The following FSCN3 variants were observed in gnomAD, a reference collection of about 807,000 sequenced individuals.
FSCN3 encodes fascin actin-bundling protein 3.
In FSCN3, 43 loss-of-function variants were observed where a neutral mutation model predicts 53.5. The ratio of observed to expected loss-of-function variants is 0.80; its 90% CI spans 0.63 to 1.04. The LOEUF is 1.04. Ranked by LOEUF, FSCN3 falls within the 50% of genes least tolerant of loss-of-function variation. The pLI is 0.00. For synonymous variants in FSCN3, 235 were observed against 246.6 expected, an observed-to-expected ratio of 0.95 and a Z score of 0.44; for missense variants, 594 against 646.5, an observed-to-expected ratio of 0.92 and a Z score of 0.88.
At position 127,600,337 on chromosome 7, in the gene FSCN3, C is replaced by A. The variant is rs1794455247; in HGVS notation, c.1435C>A (p.Gln479Lys). The A allele has an allele frequency of 6.2e-7, 1 of 1,613,294 alleles. No homozygotes were observed. Among genetic ancestry groups the A allele is most frequent in the Non-Finnish European group, 8.5e-7 (1 of 1,179,304 alleles). ...CAATGGCTTCTACATGCGAGCCGAC[C>A]AAAGTGGCACCCTGTTGGCAGACAG... ...APNGFYMRADQSGTLLADSED... is the reference protein window; with the variant it reads ...APNGFYMRADKSGTLLADSED... The change falls in exon 6 of 7, where the codon CAA (glutamine) becomes AAA (lysine). Residue 479 changes from glutamine to lysine, a missense_variant. Coordinates refer to ENST00000265825, the MANE Select transcript of FSCN3 (RefSeq NM_020369.3).
intron 1 of FSCN3, among the ~76,000 whole-genome samples, chr7:127,594,216 G>C (rs1794345802): frequency 7.7e-6 from 1 of 130,672 alleles, no homozygotes; most frequent in Admixed American, 7.8e-5. Context: ...GTATATGAAA[G>C]TATACTGGAA....
intron 3 of FSCN3, 71 bp downstream of exon 3, chr7:127,596,517 T>G (rs1794391747): frequency 1.5e-6 from 1 of 667,664 alleles, no homozygotes; most frequent in African/African-American, 1.8e-5. Context: ...TTCCTTCTCC[T>G]TTTTCAAGGC....
At chr7:127,596,707 A>T (rs1392062877) in intron 3 of FSCN3, 1 of 215,978 alleles carries the variant, frequency 4.6e-6, no homozygotes, top group Non-Finnish European at 8.9e-6. Flanking sequence ...ACAAATAAGT[A>T]TATTATGTAT....
Position 127,596,323 on chromosome 7 carries a change from T to C in FSCN3, c.842-5T>C. 1 of 1,598,364 alleles carries C rather than the reference T, an allele frequency of 6.3e-7. No homozygotes were observed. The highest frequency in any genetic ancestry group is 8.6e-7 in the Non-Finnish European group (1 of 1,165,720). On this transcript the variant is annotated splice_region_variant and splice_polypyrimidine_tract_variant and intron_variant, in intron 2 of 6. Transcript: ENST00000265825. ...GGCTTTTACTGACATGCGCTTCCTC[T>C]GCAGATGGTGAGGTGCGTGCTGCTT...
At chr7:127,596,104 G>A in intron 2 of FSCN3, 101 bp downstream of exon 2, 1 of 1,483,846 alleles carries the variant, frequency 6.7e-7, no homozygotes, top group Non-Finnish European at 8.9e-7. Context: ...CTGCTAATAA[G>A]GAAGATCCTG....
rs768122917 is a variant in FSCN3 at position 127,599,456 on chromosome 7, G to T, written c.1196G>T (p.Gly399Val). Residue 399 changes from glycine (G) to valine (V), a missense_variant, in exon 5 of 7, where the codon GGC becomes GTC. By Grantham distance (109) the Gly-to-Val change is moderately radical. Coordinates refer to ENST00000265825, the MANE Select transcript of FSCN3 (RefSeq NM_020369.3). ...TTGCGAGGTCGTTATGGCTATGTGG[G>T]CTCCTCATCGGGCCATGACCTCATA... Reference protein sequence around the residue: ...LVLRGRYGYVGSSSGHDLIQC... With the variant: ...LVLRGRYGYVVSSSGHDLIQC... The T allele has an allele frequency of 1.2e-6, 2 of 1,613,960 alleles. No homozygotes were observed. The highest frequency in any genetic ancestry group is 3.3e-5 in the Admixed American group (2 of 60,028).
chr7:127,598,673 A>G, intron 4 of FSCN3, 79 bp downstream of exon 4: 1 of 1,246,446 alleles, frequency 8.0e-7, no homozygotes, highest in Non-Finnish European at 1.1e-6. Flanking sequence ...ATTGTTAAAA[A>G]GAGCACTGAA....
chr7:127,594,576 T>A (rs1273154204), intron 1 of FSCN3: 1 of 470,962 alleles, frequency 2.1e-6, no homozygotes, highest in Non-Finnish European at 4.4e-6. Flanking sequence ...AGAGCCCAGG[T>A]GGGAAAGCAG....
chr7:127,597,188 G>A (rs1190307528), intron 3 of FSCN3, among the ~76,000 whole-genome samples: 1 of 152,188 alleles, frequency 6.6e-6, no homozygotes, highest in African/African-American at 2.4e-5. Context: ...AAGCATTCAT[G>A]TACAAGTCTT....
Position 127,593,867 on chromosome 7 carries a change from A to G in FSCN3, c.14A>G (p.Glu5Gly), listed in dbSNP as rs1562955058. The G allele has an allele frequency of 6.4e-7, 1 of 1,570,616 alleles. No individual in the cohort carries two copies. Among genetic ancestry groups the G allele is most frequent in the Non-Finnish European group, 8.6e-7 (1 of 1,157,602 alleles). The change falls in exon 1 of 7, where the codon GAG (glutamate) becomes GGG (glycine). Residue 5 changes from glutamate to glycine, a missense_variant. Coordinates refer to ENST00000265825, the MANE Select transcript of FSCN3 (RefSeq NM_020369.3). MDET[E>G]WIHRHPKAED... ...GGTGTCAGCCCCATGGATGAGACAGAGTGGATACACAGACATCCCAAGGCT... is the reference window on the plus strand; with the variant it reads ...GGTGTCAGCCCCATGGATGAGACAGGGTGGATACACAGACATCCCAAGGCT...
At chr7:127,596,523 A>C (rs1426121727) in intron 3 of FSCN3, 77 bp downstream of exon 3, 8 of 658,674 alleles carry the variant, frequency 1.2e-5, no homozygotes, top group Non-Finnish European at 1.6e-5. Context: ...CTCCTTTTTC[A>C]AGGCAAATGA....
chr7:127,599,630 C>T (rs1794442627), intron 5 of FSCN3, 79 bp downstream of exon 5: 1 of 1,344,484 alleles, frequency 7.4e-7, no homozygotes, highest in African/African-American at 1.4e-5. Context: ...CAGGGCCTGC[C>T]ACTCAGGGCT....
chr7:127,599,515 C>G lies in FSCN3; in HGVS notation c.1255C>G (p.Leu419Val). ...CCAGGATCAGCCCGACCGCATTCAT[C>G]TACTACCCTGCCGACCGGGTATCTA... ...CNQDQPDRIH[L>V]LPCRPGIYHF... Residue 419 changes from leucine to valine, a missense_variant, in exon 5 of 7, where the codon CTA (leucine) becomes GTA (valine). Coordinates refer to ENST00000265825, the MANE Select transcript of FSCN3 (RefSeq NM_020369.3). The G allele has an allele frequency of 6.2e-7, 1 of 1,614,172 alleles. No individual in the cohort carries two copies. The highest frequency in any genetic ancestry group is 8.5e-7 in the Non-Finnish European group (1 of 1,180,010).
chr7:127,601,684 A>T lies in FSCN3; in HGVS notation c.*62A>T, dbSNP rs1794478793. On this transcript the variant is annotated 3_prime_UTR_variant, in exon 7 of 7. Coordinates refer to ENST00000265825, the MANE Select transcript of FSCN3 (RefSeq NM_020369.3). ...CAGGAAAAACTACTACACTAAATGG[A>T]CCAGGAACCTCAGAGTCAAGATCCA... 6.6e-6 allele frequency: 1 copy of T among 152,242 alleles called. No homozygotes were observed. The highest frequency in any genetic ancestry group is 2.4e-5 in the African/African-American group (1 of 41,458). The allele number at this position is 152,242 out of a possible 1,614,324, so 9.4% of individuals were successfully genotyped here. A position where few individuals can be genotyped will look rare whatever the true frequency, so the allele number is the denominator to read the frequency against.
chr7:127,598,152 A>G (rs1794418739), intron 3 of FSCN3, among the ~76,000 whole-genome samples: 1 of 152,184 alleles, frequency 6.6e-6, no homozygotes. Flanking sequence ...CCTATGATCT[A>G]CTTTAAAATG....
rs370690397 is a variant in FSCN3 at position 127,599,440 on chromosome 7, C to T, written c.1180C>T (p.Arg394Cys). 1.1e-5 allele frequency: 18 copies of T among 1,613,824 alleles called. No individual in the cohort carries two copies. The highest frequency in any genetic ancestry group is 1.6e-4 in the Middle Eastern group (1 of 6,082). The change falls in exon 5 of 7, where the codon CGT becomes TGT. Residue 394 changes from arginine to cysteine, a missense_variant. Arg to Cys is a radical substitution (Grantham distance 180). Transcript: ENST00000265825. ...ANRSFLVLRG[R>C]YGYVGSSSGH... is the part of the protein sequence containing the mutation. Reference sequence around the variant, plus strand: ...TCGCTCCTTCCTTGTATTGCGAGGTCGTTATGGCTATGTGGGCTCCTCATC... The same window carrying T: ...TCGCTCCTTCCTTGTATTGCGAGGTTGTTATGGCTATGTGGGCTCCTCATC...
intron 1 of FSCN3, 70 bp downstream of exon 1, chr7:127,594,067 C>CGCGT: frequency 6.6e-7 from 1 of 1,513,484 alleles, no homozygotes; most frequent in Non-Finnish European, 9.0e-7. Context: ...TGTGCGCGCG[C>CGCGT]GCGTGTGTGT....
Position 127,595,498 on chromosome 7 carries a change from T to G in FSCN3, c.336T>G (p.Ser112=). The stretch of plus-strand genomic sequence containing the variant: ...AGTGGACCCTCCAGTGCCTAATCTC[T>G]GGTCGTTATTTGGAGTCCAATGGCA... ...NSKWTLQCLI[S]GRYLESNGKD... Residue 112 remains serine, a synonymous_variant, in exon 2 of 7, where the codon TCT becomes TCG. Coordinates refer to ENST00000265825, the MANE Select transcript of FSCN3 (RefSeq NM_020369.3). The G allele has an allele frequency of 6.2e-7, 1 of 1,614,058 alleles. No individual in the cohort carries two copies. Among genetic ancestry groups the G allele is most frequent in the African/African-American group, 1.3e-5 (1 of 75,058 alleles).
At chr7:127,595,239 T>C in intron 1 of FSCN3, 68 bp from the exon 2 acceptor site, 6 of 1,404,970 alleles carry the variant, frequency 4.3e-6, no homozygotes, top group Non-Finnish European at 5.9e-6. Flanking sequence ...GCCATGACAG[T>C]TGCAGGGCTC....
Sources: gnomAD v4.1 joint callset for allele counts (sites outside exome capture counted in the v4.1 genomes callset) on GRCh38, gnomAD v4.1.1 for gene constraint, MANE v1.5 for transcripts, NCBI Gene and HGNC (gene_info 2026-07-23, HGNC 2026-07-21) for gene names.